Variants in WDFY3 observed in about 807,000 individuals in gnomAD.
WDFY3 encodes WD repeat and FYVE domain-containing protein 3.
A neutral mutation model predicts 409.6 loss-of-function variants in WDFY3; 66 were observed. The ratio of observed to expected loss-of-function variants is 0.16; its 90% CI spans 0.13 to 0.20. WDFY3 has a LOEUF of 0.20. Among genes scored for constraint, WDFY3 ranks in the 10% least tolerant of loss-of-function variants. The probability of loss-of-function intolerance (pLI) is 1.00; values close to 1 mark genes in which losing one functional copy is unlikely to be tolerated. For missense variants in WDFY3, 3,031 were observed against 4,298.1 expected, an observed-to-expected ratio of 0.71 and a Z score of 8.24; for synonymous variants, 1,521 against 1,537.1, an observed-to-expected ratio of 0.99 and a Z score of 0.25.
Position 84,932,415 on chromosome 4 carries a change from T to A in WDFY3, c.-225-52A>T, listed in dbSNP as rs79974910. 10 of 152,330 alleles carry A rather than the reference T, an allele frequency of 6.6e-5. No individual in the cohort carries two copies. In the East Asian group the frequency reaches 1.9e-3, roughly 29 times the overall value. 9.4% of individuals were successfully genotyped at this position (152,330 alleles called of 1,614,324 possible). On this transcript the variant is annotated intron_variant, in intron 1 of 67. Coordinates refer to ENST00000295888, the MANE Select transcript of WDFY3 (RefSeq NM_014991.6). The stretch of plus-strand genomic sequence containing the variant: ...CAGTTTATGTTCAGAATATACATCA[T>A]GAGTCATTCATTTTCTACTGATTCT...
chr4:84,746,703 T>C (rs1739510127), intron 36 of WDFY3, among the ~76,000 whole-genome samples: 1 of 152,192 alleles, frequency 6.6e-6, no homozygotes, highest in Non-Finnish European at 1.5e-5. Context: ...CATGCATTAT[T>C]GTCTCGGAGG....
At chr4:84,860,363 G>C (rs1760430648) in intron 4 of WDFY3, 49 bp downstream of exon 4, 1 of 1,546,600 alleles carries the variant, frequency 6.5e-7, no homozygotes, top group South Asian at 1.2e-5. Context: ...TCAGATTCTT[G>C]TAGTGCCCCC....
chr4:84,780,780 A>AATAC (rs1398115087), intron 25 of WDFY3, among the ~76,000 whole-genome samples: 1 of 151,778 alleles, frequency 6.6e-6, no homozygotes, highest in African/African-American at 2.4e-5. Context: ...TAAATAAATA[A>AATAC]ATAAATAAAT....
chr4:84,718,258 A>C (rs930056261), intron 48 of WDFY3, among the ~76,000 whole-genome samples, 164 bp downstream of exon 48: 1 of 152,056 alleles, frequency 6.6e-6, no homozygotes, highest in Non-Finnish European at 1.5e-5. Context: ...TATTACCTTA[A>C]AATAACTGAA....
chr4:84,744,171 A>G (rs1399559232), intron 36 of WDFY3, among the ~76,000 whole-genome samples: 2 of 149,630 alleles, frequency 1.3e-5, no homozygotes, highest in Non-Finnish European at 3.0e-5. Flanking sequence ...TTATAACAAT[A>G]TAAACTACAA....
chr4:84,911,022 A>G (rs767372598), intron 2 of WDFY3, among the ~76,000 whole-genome samples: 3 of 152,022 alleles, frequency 2.0e-5, no homozygotes, highest in South Asian at 2.1e-4. Context: ...GCCTAGCCCA[A>G]TGGTTTCTTA....
At chr4:84,784,742 G>T (rs531994472) in intron 24 of WDFY3, among the ~76,000 whole-genome samples, 3 of 150,986 alleles carry the variant, frequency 2.0e-5, no homozygotes, top group Admixed American at 2.0e-4. Context: ...GGAGGCTGAG[G>T]CAGGAGAATC....
intron 11 of WDFY3, among the ~76,000 whole-genome samples, 189 bp downstream of exon 11, chr4:84,820,895 T>C (rs1475006187): frequency 6.6e-6 from 1 of 151,818 alleles, no homozygotes; most frequent in African/African-American, 2.4e-5. Flanking sequence ...TCTAGCTTCC[T>C]CCTCCTCAAT....
intron 29 of WDFY3, among the ~76,000 whole-genome samples, chr4:84,774,192 A>G (rs780197290): frequency 5.3e-5 from 8 of 152,194 alleles, no homozygotes; most frequent in Non-Finnish European, 1.2e-4. Context: ...CAGTTTAAGC[A>G]ATTCTCTACT....
intron 15 of WDFY3, among the ~76,000 whole-genome samples, chr4:84,806,292 A>G (rs1031785718): frequency 2.0e-5 from 3 of 152,206 alleles, no homozygotes; most frequent in Non-Finnish European, 2.9e-5. Flanking sequence ...AATGTATGCA[A>G]GCTGAATAGA....
Position 84,774,130 on chromosome 4 carries a change from T to C in WDFY3, c.4754+690A>G, listed in dbSNP as rs905612804. On this transcript the variant is annotated intron_variant, in intron 29 of 67. Coordinates refer to ENST00000295888, the MANE Select transcript of WDFY3 (RefSeq NM_014991.6). ...AGAATAACTGAATAAATGGGTGTGA[T>C]TTCACCTGAGATACTTGGTAGATCA... 2.6e-5 allele frequency among the ~76,000 whole-genome samples: 4 copies of C among 152,214 alleles called. No homozygotes were observed. The East Asian group carries it at 5.8e-4, about 22-fold the overall frequency.
chr4:84,940,030 C>G (rs1026720802), intron 1 of WDFY3, among the ~76,000 whole-genome samples: 1 of 152,066 alleles, frequency 6.6e-6, no homozygotes, highest in Admixed American at 6.6e-5. Context: ...CTCACTGATA[C>G]CTTCAATTCC....
chr4:84,729,468 GTACT>G, intron 44 of WDFY3, among the ~76,000 whole-genome samples: 1 of 151,740 alleles, frequency 6.6e-6, no homozygotes, highest in Non-Finnish European at 1.5e-5. Flanking sequence ...TTTTCCATAT[GTACT>G]TAATTTTTCT....
chr4:84,800,441 T>C (rs112429860), intron 17 of WDFY3, among the ~76,000 whole-genome samples: 37 of 152,296 alleles, frequency 2.4e-4, no homozygotes, highest in Admixed American at 6.5e-4. Flanking sequence ...AATACACATA[T>C]GTAAGTATAT....
intron 8 of WDFY3, among the ~76,000 whole-genome samples, chr4:84,830,451 G>A (rs1014679514): frequency 3.9e-5 from 6 of 152,124 alleles, no homozygotes; most frequent in Non-Finnish European, 7.3e-5. Context: ...GGTAGGCTAG[G>A]CTAAGATATG....
At chr4:84,686,459 A>G (rs1285222307) in intron 62 of WDFY3, among the ~76,000 whole-genome samples, 1 of 152,166 alleles carries the variant, frequency 6.6e-6, no homozygotes, top group Non-Finnish European at 1.5e-5. Context: ...ACTGTAAGTG[A>G]ATTCCTTTCT....
At position 84,672,945 on chromosome 4, in the gene WDFY3, G is replaced by C; in HGVS notation, c.10504C>G (p.Pro3502Ala). 1.2e-6 allele frequency: 2 copies of C among 1,614,036 alleles called. No individual in the cohort carries two copies. The highest frequency in any genetic ancestry group is 1.7e-6 in the Non-Finnish European group (2 of 1,179,990). Reference sequence around the variant, plus strand: ...TAACAGTTCTGACAAACACGCACCGGGGATGAGATTTTCAAGCGTTTGATT... The same window carrying C: ...TAACAGTTCTGACAAACACGCACCGCGGATGAGATTTTCAAGCGTTTGATT... The part of the protein sequence containing the change: ...SEIKRLKISS[P>A]VRVCQNCYYN... Residue 3502 changes from proline (P) to alanine (A), a missense_variant, in exon 68 of 68, where the codon CCG (proline) becomes GCG (alanine). By Grantham distance (27) the Pro-to-Ala change is conservative. This residue lies in a region of WDFY3 where 378 missense variants were observed against 477.3 expected (regional missense o/e 0.79). Transcript: ENST00000295888.
At chr4:84,911,955 G>A (rs1767853032) in intron 2 of WDFY3, among the ~76,000 whole-genome samples, 1 of 152,138 alleles carries the variant, frequency 6.6e-6, no homozygotes, top group African/African-American at 2.4e-5. Context: ...AAATAACTTC[G>A]TAGCCATCTC....
At chr4:84,901,215 A>T (rs1052132749) in intron 2 of WDFY3, among the ~76,000 whole-genome samples, 1 of 152,196 alleles carries the variant, frequency 6.6e-6, no homozygotes, top group Admixed American at 6.5e-5. Context: ...GCCATCTGCT[A>T]TGGTTTGAAA....
Sources: allele counts gnomAD v4.1 joint callset (sites outside exome capture counted in the v4.1 genomes callset), GRCh38; gene constraint gnomAD v4.1.1; regional missense constraint gnomAD v4.1.1; transcripts MANE v1.5; gene names NCBI Gene and HGNC (gene_info 2026-07-23, HGNC 2026-07-21).